The following CAMTA1 variants were observed in gnomAD, a reference collection of about 807,000 sequenced individuals.
CAMTA1 encodes calmodulin binding transcription activator 1.
In CAMTA1, 27 loss-of-function variants were observed where a neutral mutation model predicts 170.9. The ratio of observed to expected loss-of-function variants is 0.16; its 90% CI spans 0.12 to 0.22. The LOEUF is 0.22. Among genes scored for constraint, CAMTA1 ranks in the 10% least tolerant of loss-of-function variants. CAMTA1 has a pLI of 1.00. For synonymous variants in CAMTA1, 833 were observed against 891.5 expected, an observed-to-expected ratio of 0.93 and a Z score of 1.17; for missense variants, 1,619 against 2,217.2, an observed-to-expected ratio of 0.73 and a Z score of 5.42.
intron 5 of CAMTA1, among the ~76,000 whole-genome samples, chr1:7,412,629 G>T (rs1031732626): frequency 6.6e-6 from 1 of 151,964 alleles, no homozygotes; most frequent in Non-Finnish European, 1.5e-5. Flanking sequence ...AAATTTGTTT[G>T]AGTTCATTGT....
At position 7,649,396 on chromosome 1, in the gene CAMTA1, T is replaced by C. The variant is rs114597310; in HGVS notation, c.664+8843T>C. 5.6e-3 allele frequency among the ~76,000 whole-genome samples: 848 copies of C among 152,304 alleles called. 8 individuals are homozygous for C. The highest frequency in any genetic ancestry group is 0.019 in the African/African-American group (800 of 41,556). ...CCTGGAGAGGATTTCCTCTGCCTTT[T>C]ACCCTTCCCTTTGGGAAGGAGCTGC... On this transcript the variant is annotated intron_variant, in intron 7 of 22. Transcript: ENST00000303635.
chr1:7,491,458 G>C (rs1215958657), intron 6 of CAMTA1, among the ~76,000 whole-genome samples: 2 of 152,218 alleles, frequency 1.3e-5, no homozygotes, highest in East Asian at 3.8e-4. Context: ...GAGGGAAGAT[G>C]GTTCCGGAAT....
intron 3 of CAMTA1, among the ~76,000 whole-genome samples, chr1:7,068,811 G>T (rs12083052): frequency 0.044 from 6,677 of 152,100 alleles, 478 homozygotes; most frequent in African/African-American, 0.15. Flanking sequence ...CATGCTGGGC[G>T]TGAAAATCTT....
At chr1:7,078,086 A>C (rs1277486064) in intron 3 of CAMTA1, among the ~76,000 whole-genome samples, 1 of 152,232 alleles carries the variant, frequency 6.6e-6, no homozygotes, top group African/African-American at 2.4e-5. Context: ...TGGCTACACA[A>C]AGACCAAGTG....
intron 3 of CAMTA1, among the ~76,000 whole-genome samples, chr1:6,940,933 G>GA (rs1485324106): frequency 3.4e-5 from 4 of 118,996 alleles, no homozygotes; most frequent in African/African-American, 1.2e-4. Context: ...ACAGGGAAAG[G>GA]GGATCCTCAG....
intron 3 of CAMTA1, among the ~76,000 whole-genome samples, chr1:6,929,598 C>T (rs1237571512): frequency 3.3e-5 from 5 of 152,134 alleles, no homozygotes; most frequent in African/African-American, 4.8e-5. Context: ...CTCCTGACCT[C>T]GTGATCCGCC....
In CAMTA1 at chr1:7,482,937, G is replaced by C. The variant is rs1430619113; in HGVS notation, c.510+15036G>C. Reference sequence around the variant, plus strand: ...TCAGAGTGATGTGAGCTGTAAATGTGCCCAGGCCCCACCCCATGTCATCCC... The same window carrying C: ...TCAGAGTGATGTGAGCTGTAAATGTCCCCAGGCCCCACCCCATGTCATCCC... On this transcript the variant is annotated intron_variant, in intron 6 of 22. Transcript: ENST00000303635. This position sits in a 1 kb window ranked among gnomAD's most constrained non-coding sequence, Gnocchi z 4.2. Among the ~76,000 whole-genome samples, 1 of 152,060 alleles carries C rather than the reference G, an allele frequency of 6.6e-6. No individual in the cohort carries two copies. Among genetic ancestry groups the C allele is most frequent in the Non-Finnish European group, 1.5e-5 (1 of 68,014 alleles).
intron 10 of CAMTA1, among the ~76,000 whole-genome samples, chr1:7,676,386 G>T (rs2096120911): frequency 6.6e-6 from 1 of 152,218 alleles, no homozygotes; most frequent in Non-Finnish European, 1.5e-5. Flanking sequence ...GACTCCCGAA[G>T]GCCTTCCCTG....
chr1:7,264,070 G>C (rs529897658), intron 5 of CAMTA1, among the ~76,000 whole-genome samples: 1 of 152,314 alleles, frequency 6.6e-6, no homozygotes, highest in African/African-American at 2.4e-5. Context: ...CCTGTGCACA[G>C]CTCTAGTTGT....
intron 6 of CAMTA1, among the ~76,000 whole-genome samples, chr1:7,583,840 G>A (rs1436021348): frequency 6.6e-6 from 1 of 152,162 alleles, no homozygotes; most frequent in African/African-American, 2.4e-5. Flanking sequence ...CGTCTCCCGG[G>A]AGGTAGACCC....
intron 4 of CAMTA1, among the ~76,000 whole-genome samples, chr1:7,128,202 C>T (rs1430117326): frequency 3.3e-5 from 5 of 152,232 alleles, no homozygotes; most frequent in South Asian, 2.1e-4. Context: ...AGCCTGTGCC[C>T]GGTTTCCCCC....
chr1:7,701,590 T>A (rs57092855), intron 11 of CAMTA1, among the ~76,000 whole-genome samples: 14,210 of 151,522 alleles, frequency 0.094, 1,056 homozygotes, highest in African/African-American at 0.21. Flanking sequence ...TAATTTTTTT[T>A]AAAAAAAATT....
At chr1:7,423,930 C>T (rs980273516) in intron 5 of CAMTA1, among the ~76,000 whole-genome samples, 10 of 152,272 alleles carry the variant, frequency 6.6e-5, no homozygotes, top group Middle Eastern at 3.4e-3. Flanking sequence ...ATCAACCAGG[C>T]GGCCAACTCT....
chr1:6,942,013 C>T (rs1180876955), intron 3 of CAMTA1, among the ~76,000 whole-genome samples: 1 of 152,124 alleles, frequency 6.6e-6, no homozygotes, highest in East Asian at 1.9e-4. Context: ...CCTGGGAAAG[C>T]TTCACCCACG....
chr1:7,229,538 T>A (rs1301299827), intron 4 of CAMTA1, among the ~76,000 whole-genome samples: 1 of 18,352 alleles, frequency 5.4e-5, no homozygotes, highest in African/African-American at 2.4e-4. Flanking sequence ...GAGGGGAGGA[T>A]TGGAGGATGG....
intron 4 of CAMTA1, among the ~76,000 whole-genome samples, chr1:7,228,886 A>T (rs1380725230): frequency 6.6e-6 from 1 of 152,194 alleles, no homozygotes; most frequent in Non-Finnish European, 1.5e-5. Context: ...GCCTTAGGGC[A>T]CATTGTGCTG....
intron 5 of CAMTA1, among the ~76,000 whole-genome samples, chr1:7,304,290 A>G (rs1675254478): frequency 1.3e-5 from 2 of 152,206 alleles, no homozygotes; most frequent in Admixed American, 6.5e-5. Flanking sequence ...GGATAGAACG[A>G]ATGCACAATG....
chr1:6,790,867 C>A (rs72636202), intron 1 of CAMTA1, among the ~76,000 whole-genome samples: 15 of 151,628 alleles, frequency 9.9e-5, no homozygotes, highest in African/African-American at 3.4e-4. Flanking sequence ...TTTGAAATAC[C>A]CCTTTTCTTT....
Position 7,532,009 on chromosome 1 carries a change from C to T in CAMTA1, c.510+64108C>T, listed in dbSNP as rs1235724200. 6.6e-6 allele frequency among the ~76,000 whole-genome samples: 1 copy of T among 152,172 alleles called. No homozygotes were observed. The highest frequency in any genetic ancestry group is 1.5e-5 in the Non-Finnish European group (1 of 68,038). On this transcript the variant is annotated intron_variant, in intron 6 of 22. Transcript: ENST00000303635. This position sits in a 1 kb window ranked among gnomAD's most constrained non-coding sequence, Gnocchi z 4.2. ...CTTGAGGCTTCACACCATGCTAGTC[C>T]TTTAGATGTTCAATACCATGAAGGA... is the stretch of plus-strand genomic sequence containing the variant.
Sources: allele counts gnomAD v4.1 joint callset (sites outside exome capture counted in the v4.1 genomes callset), GRCh38; gene constraint gnomAD v4.1.1; non-coding constraint Gnocchi (gnomAD v3.1); transcripts MANE v1.5; gene names NCBI Gene and HGNC (gene_info 2026-07-23, HGNC 2026-07-21).